Variants in INTS6 observed in about 807,000 individuals in gnomAD.
INTS6 encodes the protein DEAD box protein.
A neutral mutation model predicts 104.9 loss-of-function variants in INTS6; 16 were observed. The ratio of observed to expected loss-of-function variants is 0.15; its 90% CI spans 0.10 to 0.23. The LOEUF is 0.23. Ranked by LOEUF, INTS6 falls within the 10% of genes least tolerant of loss-of-function variation. INTS6 has a pLI of 1.00. For missense variants in INTS6, 584 were observed against 1,062.8 expected (o/e 0.55, Z 6.26); for synonymous variants, 324 against 358.7 (o/e 0.90, Z 1.09).
intron 4 of INTS6, among the ~76,000 whole-genome samples, chr13:51,405,304 T>A (rs1028795071): frequency 6.6e-6 from 1 of 152,144 alleles, no homozygotes; most frequent in African/African-American, 2.4e-5. Flanking sequence ...TGGATTTTAA[T>A]ATAGGGAGAT....
chr13:51,426,586 T>C (rs188819906), intron 4 of INTS6, among the ~76,000 whole-genome samples: 19 of 152,274 alleles, frequency 1.2e-4, no homozygotes, highest in Admixed American at 9.2e-4. Context: ...TGTATCCTTA[T>C]TTTATCATTC....
chr13:51,344,176 C>T, the INTS6 span: 1 of 1,020,774 alleles, frequency 9.8e-7, no homozygotes. Context: ...CATCTCAATG[C>T]AATGTGTGCT....
chr13:51,403,606 A>AAAAAAAAAG (rs2030023763), intron 4 of INTS6, among the ~76,000 whole-genome samples: 1 of 138,682 alleles, frequency 7.2e-6, no homozygotes, highest in African/African-American at 2.6e-5. Context: ...AAAAAAAAAG[A>AAAAAAAAAG]AAAAAAAAAA....
chr13:51,410,034 T>A (rs1037770332), intron 4 of INTS6, among the ~76,000 whole-genome samples: 1 of 152,110 alleles, frequency 6.6e-6, no homozygotes, highest in African/African-American at 2.4e-5. Context: ...ATACCCAACA[T>A]ATGTATAAAC....
chr13:51,414,869 C>CACACAG (rs139817301), intron 4 of INTS6, among the ~76,000 whole-genome samples: 180 of 150,706 alleles, frequency 1.2e-3, no homozygotes, highest in African/African-American at 4.3e-3. Context: ...CACACACACA[C>CACACAG]AGTTCTAAGA....
At chr13:51,384,925 C>CCTG in intron 7 of INTS6, 3 of 329,872 alleles carry the variant, frequency 9.1e-6, no homozygotes, top group Middle Eastern at 1.1e-3. Flanking sequence ...CAGTCCCTGT[C>CCTG]TGATCAATCC....
intron 4 of INTS6, among the ~76,000 whole-genome samples, chr13:51,423,867 T>A (rs115713638): frequency 0.018 from 2,668 of 152,166 alleles, 67 homozygotes; most frequent in African/African-American, 0.059. Context: ...TGTGGTTAGA[T>A]TGTGTTCTAA....
chr13:51,450,141 T>C (rs1057086844), intron 3 of INTS6: 1 of 984,808 alleles, frequency 1.0e-6, no homozygotes, highest in Non-Finnish European at 1.2e-6. Context: ...ATATACCCAA[T>C]ATATAATTAG....
chr13:51,358,990 C>A (rs947305389), downstream of INTS6, among the ~76,000 whole-genome samples: 11 of 152,174 alleles, frequency 7.2e-5, no homozygotes, highest in African/African-American at 2.6e-4. Flanking sequence ...TAAAAGTTAG[C>A]AGATTAGCAG....
chr13:51,423,091 C>G, intron 4 of INTS6: 1 of 1,275,298 alleles, frequency 7.8e-7, no homozygotes, highest in East Asian at 5.6e-5. Context: ...TCCCCAGTAC[C>G]TAGAACATAA....
At chr13:51,418,532 A>C (rs909277263) in intron 4 of INTS6, among the ~76,000 whole-genome samples, 2 of 152,070 alleles carry the variant, frequency 1.3e-5, no homozygotes, top group African/African-American at 4.8e-5. Flanking sequence ...AAAAAAAATT[A>C]TTAAAGTCAA....
At chr13:51,450,515 G>C (rs996498342) in intron 3 of INTS6, 24 of 984,640 alleles carry the variant, frequency 2.4e-5, no homozygotes, top group Non-Finnish European at 2.8e-5. Flanking sequence ...TGCTTCAAAA[G>C]AAAACTTAAA....
At chr13:51,350,595 G>C (rs1955394604), downstream of INTS6, among the ~76,000 whole-genome samples, 1 of 152,274 alleles carries the variant, frequency 6.6e-6, no homozygotes, top group African/African-American at 2.4e-5. Flanking sequence ...TTATCATGGT[G>C]TGTGGTTTAT....
At chr13:51,439,682 A>T (rs1952756904) in intron 3 of INTS6, 1 of 152,222 alleles carries the variant, frequency 6.6e-6, no homozygotes, top group African/African-American at 2.4e-5. Flanking sequence ...AAGTCCTAGA[A>T]ATAAACTCTA....
chr13:51,409,211 C>T (rs912406472), intron 4 of INTS6, among the ~76,000 whole-genome samples: 2 of 149,698 alleles, frequency 1.3e-5, no homozygotes, highest in Non-Finnish European at 3.0e-5. Flanking sequence ...TGTAGTGAGC[C>T]GAGATTGCAC....
Position 51,406,974 on chromosome 13 carries a change from T to G in INTS6, c.430-11491A>C, listed in dbSNP as rs1956581053. On this transcript the variant is annotated intron_variant, in intron 4 of 17. Coordinates refer to ENST00000311234, the MANE Select transcript of INTS6 (RefSeq NM_012141.3). Reference sequence around the variant, plus strand: ...TATGTGTGGCCCAAGACAATTGTTCTTCCTTCCAATGTGCCCCTGGGAAGC... The same window carrying G: ...TATGTGTGGCCCAAGACAATTGTTCGTCCTTCCAATGTGCCCCTGGGAAGC... Among the ~76,000 whole-genome samples, 3 of 151,918 alleles carry G rather than the reference T, an allele frequency of 2.0e-5. No individual in the cohort carries two copies. In the South Asian group the frequency reaches 6.2e-4, roughly 31 times the overall value.
chr13:51,425,444 C>T (rs901868879), intron 4 of INTS6, among the ~76,000 whole-genome samples: 3 of 152,194 alleles, frequency 2.0e-5, no homozygotes, highest in Non-Finnish European at 4.4e-5. Flanking sequence ...CTTCTCTCAA[C>T]GTTAGCCTCC....
intron 4 of INTS6, among the ~76,000 whole-genome samples, chr13:51,414,167 T>A (rs906250267): frequency 3.9e-5 from 6 of 152,158 alleles, no homozygotes; most frequent in African/African-American, 1.4e-4. Context: ...GAAACCAGCA[T>A]CAACCATTCA....
chr13:51,392,951 T>C (rs897984211), intron 5 of INTS6, among the ~76,000 whole-genome samples: 1 of 151,996 alleles, frequency 6.6e-6, no homozygotes, highest in African/African-American at 2.4e-5. Context: ...AAAAAATACA[T>C]AGAAAGAAAT....
Sources: gnomAD v4.1 joint callset for allele counts (sites outside exome capture counted in the v4.1 genomes callset) on GRCh38, gnomAD v4.1.1 for gene constraint, MANE v1.5 for transcripts, NCBI Gene and HGNC (gene_info 2026-07-23, HGNC 2026-07-21) for gene names.